The following WNT7A variants were observed in gnomAD, a reference collection of about 807,000 sequenced individuals.
WNT7A encodes protein Wnt-7a.
Under a neutral mutation model 28.2 loss-of-function variants are expected in WNT7A, and 16 were observed. That is an observed-to-expected ratio of 0.57 (90% confidence interval 0.38 to 0.86). The LOEUF (loss-of-function observed/expected upper bound fraction) is 0.86. Among genes scored for constraint, WNT7A ranks in the 40% least tolerant of loss-of-function variants. WNT7A has a pLI of 0.00. For synonymous variants in WNT7A, 190 were observed against 195.9 expected, an observed-to-expected ratio of 0.97 and a Z score of 0.25; for missense variants, 411 against 489.7, an observed-to-expected ratio of 0.84 and a Z score of 1.52.
At chr3:13,861,203 G>A (rs559966337) in intron 2 of WNT7A, among the ~76,000 whole-genome samples, 1 of 152,300 alleles carries the variant, frequency 6.6e-6, no homozygotes, top group African/African-American at 2.4e-5. Context: ...TGAACCCTGG[G>A]CTTGGCCACC....
intron 3 of WNT7A, among the ~76,000 whole-genome samples, chr3:13,847,240 G>A (rs1174169148): frequency 6.6e-6 from 1 of 152,108 alleles, no homozygotes; most frequent in Non-Finnish European, 1.5e-5. Flanking sequence ...CTTTCTCTAG[G>A]CCCAGACACC....
chr3:13,866,964 G>A (rs183619674), intron 2 of WNT7A, among the ~76,000 whole-genome samples: 7 of 152,146 alleles, frequency 4.6e-5, no homozygotes, highest in Non-Finnish European at 1.0e-4. Flanking sequence ...TGGACAGATT[G>A]GGGGATATAG....
In WNT7A at chr3:13,817,462, ACACACACACCG is replaced by A. The variant is rs1694024217; in HGVS notation, c.*1471_*1481del. 7.8e-6 allele frequency: 1 copy of A among 128,956 alleles called. No individual in the cohort carries two copies. The highest frequency in any genetic ancestry group is 2.6e-4 in the South Asian group (1 of 3,792). The allele number at this position is 128,956 out of a possible 1,614,324, so 8.0% of individuals were successfully genotyped here. On this transcript the variant is annotated 3_prime_UTR_variant, in exon 4 of 4. Transcript: ENST00000285018. ...CACACACACACACACACACACACACACACACACACCGGAAATGCAAACGGACACATATTAGA... is the reference window on the plus strand; with the variant it reads ...CACACACACACACACACACACACACAGAAATGCAAACGGACACATATTAGA...
At chr3:13,869,020 A>AAGAAAAAGAGAGAGAGAAAGAAAGAG (rs1694981706) in intron 2 of WNT7A, among the ~76,000 whole-genome samples, 1 of 121,788 alleles carries the variant, frequency 8.2e-6, no homozygotes, top group African/African-American at 3.5e-5. Flanking sequence ...GAGAGAGAGA[A>AAGAAAAAGAGAGAGAGAAAGAAAGAG]AGAGAGAAAG....
chr3:13,857,844 A>G (rs1374410805), intron 2 of WNT7A, among the ~76,000 whole-genome samples: 2 of 152,212 alleles, frequency 1.3e-5, no homozygotes, highest in African/African-American at 4.8e-5. Context: ...ACCTTGGGTG[A>G]GTCACCTAAC....
At chr3:13,860,760 G>A (rs1230390265) in intron 2 of WNT7A, among the ~76,000 whole-genome samples, 1 of 152,158 alleles carries the variant, frequency 6.6e-6, no homozygotes, top group Non-Finnish European at 1.5e-5. Flanking sequence ...GCTGTACGGG[G>A]AAGCCCCTTC....
At position 13,818,851 on chromosome 3, in the gene WNT7A, G is replaced by C. The variant is rs1298070004; in HGVS notation, c.*93C>G. The C allele has an allele frequency of 2.0e-6, 3 of 1,478,110 alleles. No homozygotes were observed. The East Asian group carries it at 7.1e-5, about 35-fold the overall frequency. 91.6% of individuals were successfully genotyped at this position (1,478,110 alleles called of 1,614,324 possible). A position where few individuals can be genotyped will look rare whatever the true frequency, so the allele number is the denominator to read the frequency against. On this transcript the variant is annotated 3_prime_UTR_variant, in exon 4 of 4. Transcript: ENST00000285018. ...GTACCCTCCTCAGCAGAAAAGACAA[G>C]CTCAGCATCCTGCCAGGGAGCCCGC... is the stretch of plus-strand genomic sequence containing the variant.
At chr3:13,868,185 G>A (rs894805222) in intron 2 of WNT7A, among the ~76,000 whole-genome samples, 2 of 152,026 alleles carry the variant, frequency 1.3e-5, no homozygotes, top group African/African-American at 4.8e-5. Flanking sequence ...ATTCGAGGAA[G>A]GTCACAATAT....
chr3:13,854,763 G>T lies in WNT7A; in HGVS notation c.339C>A (p.Ala113=). The change falls in exon 3 of 4, where the codon GCC becomes GCA. Residue 113 remains alanine, a synonymous_variant. Coordinates refer to ENST00000285018, the MANE Select transcript of WNT7A (RefSeq NM_004625.4). The stretch of plus-strand genomic sequence containing the variant: ...CAGCTGTGATGGCGTGGGCCACGCC[G>T]GCGGCAATGATGGCGTAGGTGAACG... ...EAAFTYAIIA[A]GVAHAITAAC... 6.2e-7 allele frequency: 1 copy of T among 1,613,746 alleles called. No homozygotes were observed. Among genetic ancestry groups the T allele is most frequent in the Non-Finnish European group, 8.5e-7 (1 of 1,180,036 alleles).
rs1181306844 is a variant in WNT7A, at chr3:13,854,601, C to T, written c.501G>A (p.Val167=). Reference sequence around the variant, plus strand: ...CATTCTGCTTGATCTCCCGGGCATCCACAAAGACCTTGGCGAAGCCGATGC... The same window carrying T: ...CATTCTGCTTGATCTCCCGGGCATCTACAAAGACCTTGGCGAAGCCGATGC... ...RYGIGFAKVF[V]DAREIKQNAR... is the part of the protein sequence containing the mutation. Residue 167 remains valine (V), a synonymous_variant, in exon 3 of 4, where the codon GTG becomes GTA. Coordinates refer to ENST00000285018, the MANE Select transcript of WNT7A (RefSeq NM_004625.4). The T allele has an allele frequency of 6.2e-7, 1 of 1,614,196 alleles. No homozygotes were observed. Among genetic ancestry groups the T allele is most frequent in the Non-Finnish European group, 8.5e-7 (1 of 1,180,042 alleles).
At chr3:13,838,611 G>C (rs1033520460) in intron 3 of WNT7A, among the ~76,000 whole-genome samples, 2 of 152,206 alleles carry the variant, frequency 1.3e-5, no homozygotes, top group African/African-American at 4.8e-5. Flanking sequence ...CGACTCACAG[G>C]AGGGAGCTGG....
chr3:13,875,283 C>T, intron 1 of WNT7A, 110 bp from the exon 2 acceptor site: 1 of 1,118,254 alleles, frequency 8.9e-7, no homozygotes, highest in Admixed American at 1.9e-5. Context: ...CAGCAGTGGT[C>T]TCCCAACTTT....
At chr3:13,832,412 C>A (rs892387473) in intron 3 of WNT7A, among the ~76,000 whole-genome samples, 1 of 150,436 alleles carries the variant, frequency 6.6e-6, no homozygotes, top group Non-Finnish European at 1.5e-5. Context: ...CCCACTCTTC[C>A]TTCTCACAGG....
At chr3:13,848,757 C>G (rs185535136) in intron 3 of WNT7A, among the ~76,000 whole-genome samples, 16 of 152,242 alleles carry the variant, frequency 1.1e-4, no homozygotes, top group African/African-American at 3.6e-4. Flanking sequence ...GGAAATAGAA[C>G]CTTACATTCA....
chr3:13,875,615 G>A (rs1004678508), intron 1 of WNT7A, among the ~76,000 whole-genome samples: 5 of 152,118 alleles, frequency 3.3e-5, no homozygotes, highest in African/African-American at 1.2e-4. Context: ...CATGCAGCAG[G>A]TGCCTTTGAA....
At chr3:13,842,010 C>A (rs1335240695) in intron 3 of WNT7A, among the ~76,000 whole-genome samples, 1 of 151,346 alleles carries the variant, frequency 6.6e-6, no homozygotes, top group African/African-American at 2.4e-5. Context: ...AGGGACATAC[C>A]CAGTGTGTGT....
intron 1 of WNT7A, among the ~76,000 whole-genome samples, chr3:13,879,131 T>C (rs1291232767): frequency 1.3e-5 from 2 of 152,206 alleles, no homozygotes. Context: ...GCTGTCCCCT[T>C]GGCCCGGGAA....
At chr3:13,863,014 C>G (rs776681174) in intron 2 of WNT7A, among the ~76,000 whole-genome samples, 3 of 152,186 alleles carry the variant, frequency 2.0e-5, no homozygotes, top group Non-Finnish European at 2.9e-5. Context: ...CTTGAATGAG[C>G]TAACTCACCT....
intron 3 of WNT7A, among the ~76,000 whole-genome samples, chr3:13,844,928 C>T (rs576701713): frequency 6.6e-6 from 1 of 152,302 alleles, no homozygotes; most frequent in East Asian, 1.9e-4. Context: ...CTCTTCCCGG[C>T]AGATTTGATA....
Sources: gnomAD v4.1 joint callset for allele counts (sites outside exome capture counted in the v4.1 genomes callset) on GRCh38, gnomAD v4.1.1 for gene constraint, MANE v1.5 for transcripts, NCBI Gene and HGNC (gene_info 2026-07-23, HGNC 2026-07-21) for gene names.